The following FOXO3 variants were observed in gnomAD, a reference collection of about 807,000 sequenced individuals.
FOXO3 encodes forkhead box O3, also known as forkhead box protein O3.
Under a neutral mutation model 41.9 loss-of-function variants are expected in FOXO3, and 4 were observed. The observed-to-expected ratio is 0.10, with a 90% confidence interval of 0.05 to 0.22. The LOEUF (loss-of-function observed/expected upper bound fraction) is 0.22, where lower values mean the gene tolerates loss of function less well. Among genes scored for constraint, FOXO3 ranks in the 10% least tolerant of loss-of-function variants. The pLI is 1.00. For missense variants in FOXO3, 534 were observed against 906.8 expected, an observed-to-expected ratio of 0.59 and a Z score of 5.28; for synonymous variants, 318 against 389.3, an observed-to-expected ratio of 0.82 and a Z score of 2.16.
intron 1 of FOXO3, among the ~76,000 whole-genome samples, chr6:108,633,996 C>A (rs74838691): frequency 0.034 from 5,176 of 152,268 alleles, 119 homozygotes; most frequent in Middle Eastern, 0.095. Flanking sequence ...GGCTTCTTTA[C>A]ATGGAACTGG....
At chr6:108,663,184 G>C (rs955163786) in intron 1 of FOXO3, among the ~76,000 whole-genome samples, 4 of 152,128 alleles carry the variant, frequency 2.6e-5, no homozygotes, top group African/African-American at 9.7e-5. Flanking sequence ...ACCAGCCTGG[G>C]TAACGTGGAA....
At position 108,569,508 on chromosome 6, in the gene FOXO3, C is replaced by G. The variant is rs9384682; in HGVS notation, c.621+7679C>G. Among the ~76,000 whole-genome samples the G allele has an allele frequency of 2.6e-5, 4 of 152,328 alleles. No individual in the cohort carries two copies. In the East Asian group the frequency reaches 7.7e-4, roughly 29 times the overall value. On this transcript the variant is annotated intron_variant, in intron 1 of 2. Coordinates refer to ENST00000406360, the MANE Select transcript of FOXO3 (RefSeq NM_001455.4). ...AGGCTTTTCTATAATTCGCTTGTTCCACTTTTCACTCCTGAGTTTTTGAGG... is the reference window on the plus strand; with the variant it reads ...AGGCTTTTCTATAATTCGCTTGTTCGACTTTTCACTCCTGAGTTTTTGAGG...
intron 1 of FOXO3, among the ~76,000 whole-genome samples, chr6:108,579,974 G>A (rs546552221): frequency 3.9e-5 from 6 of 152,054 alleles, no homozygotes; most frequent in Non-Finnish European, 8.8e-5. Flanking sequence ...CAGAGTTGAA[G>A]TTTGAAAACT....
intron 1 of FOXO3, among the ~76,000 whole-genome samples, chr6:108,602,007 G>T (rs766154130): frequency 2.0e-5 from 3 of 152,126 alleles, no homozygotes; most frequent in Non-Finnish European, 2.9e-5. Flanking sequence ...TGGGATAAAT[G>T]CCCAATGACT....
At chr6:108,624,074 A>G (rs1409299120) in intron 1 of FOXO3, among the ~76,000 whole-genome samples, 1 of 152,222 alleles carries the variant, frequency 6.6e-6, no homozygotes, top group Non-Finnish European at 1.5e-5. Flanking sequence ...TGCAGGGACA[A>G]GGAAATTTCA....
intron 2 of FOXO3, among the ~76,000 whole-genome samples, chr6:108,673,985 T>C (rs1452915338): frequency 4.6e-5 from 7 of 152,192 alleles, no homozygotes; most frequent in Non-Finnish European, 1.0e-4. Context: ...AGGATATCTA[T>C]GGTGGGATGT....
At chr6:108,668,805 A>G (rs574523778) in intron 2 of FOXO3, among the ~76,000 whole-genome samples, 67 of 152,292 alleles carry the variant, frequency 4.4e-4, no homozygotes, top group African/African-American at 1.6e-3. Context: ...AGCCTCATCA[A>G]GTTTTAAAGG....
At chr6:108,633,796 TG>T (rs1232670517) in intron 1 of FOXO3, among the ~76,000 whole-genome samples, 9 of 152,072 alleles carry the variant, frequency 5.9e-5, no homozygotes, top group Non-Finnish European at 1.0e-4. Context: ...GAATGGCTTT[TG>T]TCTACCTTTG....
At chr6:108,618,509 C>T (rs528756531) in intron 1 of FOXO3, among the ~76,000 whole-genome samples, 9 of 152,200 alleles carry the variant, frequency 5.9e-5, no homozygotes, top group African/African-American at 2.2e-4. Flanking sequence ...TCAGTGGTAT[C>T]GTTTTGAAGC....
In FOXO3 at chr6:108,561,175, G is replaced by T. The variant is rs1260727065; in HGVS notation, c.-34G>T. On this transcript the variant is annotated 5_prime_UTR_variant, in exon 1 of 3. Transcript: ENST00000406360. ...CCGCCCCGGCGCGAGAGGAGAGCGCGAGAGCCCCAGCCGCGGGCGGGCGGG... is the reference window on the plus strand; with the variant it reads ...CCGCCCCGGCGCGAGAGGAGAGCGCTAGAGCCCCAGCCGCGGGCGGGCGGG... The T allele has an allele frequency of 2.6e-6, 4 of 1,520,404 alleles. No individual in the cohort carries two copies. Among genetic ancestry groups the T allele is most frequent in the African/African-American group, 1.4e-5 (1 of 70,004 alleles). The allele number at this position is 1,520,404 out of a possible 1,614,324, so 94.2% of individuals were successfully genotyped here.
intron 1 of FOXO3, among the ~76,000 whole-genome samples, chr6:108,605,049 T>G (rs1777155285): frequency 6.6e-6 from 1 of 152,214 alleles, no homozygotes; most frequent in South Asian, 2.1e-4. Flanking sequence ...CAAAATAAAC[T>G]TTTTAGTTGA....
chr6:108,593,168 A>C (rs1776776400), intron 1 of FOXO3, among the ~76,000 whole-genome samples: 1 of 152,092 alleles, frequency 6.6e-6, no homozygotes, highest in Admixed American at 6.5e-5. Context: ...AGAAGGGAGG[A>C]TTACACGTTT....
chr6:108,641,160 T>A (rs764237113), intron 1 of FOXO3, among the ~76,000 whole-genome samples: 1 of 152,158 alleles, frequency 6.6e-6, no homozygotes, highest in South Asian at 2.1e-4. Context: ...TCTGCCCACC[T>A]TGGCCTCCCA....
chr6:108,602,105 TTTTC>T (rs1777070243), intron 1 of FOXO3, among the ~76,000 whole-genome samples: 1 of 152,214 alleles, frequency 6.6e-6, no homozygotes, highest in Non-Finnish European at 1.5e-5. Context: ...TGTTAAGGGT[TTTTC>T]CCCCTAGTTT....
intron 1 of FOXO3, among the ~76,000 whole-genome samples, chr6:108,657,977 C>T (rs1224813086): frequency 6.6e-6 from 1 of 152,154 alleles, no homozygotes; most frequent in African/African-American, 2.4e-5. Flanking sequence ...GGATGTGAAA[C>T]CCCCCTCTGG....
At chr6:108,599,099 G>A (rs1353199952) in intron 1 of FOXO3, among the ~76,000 whole-genome samples, 1 of 152,150 alleles carries the variant, frequency 6.6e-6, no homozygotes. Flanking sequence ...GTAACTTTGT[G>A]AGAGCAAGCT....
chr6:108,642,265 T>A (rs1778281738), intron 1 of FOXO3, among the ~76,000 whole-genome samples: 2 of 152,008 alleles, frequency 1.3e-5, no homozygotes, highest in Non-Finnish European at 2.9e-5. Context: ...ATTTTCAAAA[T>A]TTTTTTGTAG....
At chr6:108,649,057 C>T (rs1470999843) in intron 1 of FOXO3, among the ~76,000 whole-genome samples, 1 of 151,112 alleles carries the variant, frequency 6.6e-6, no homozygotes. Context: ...CTCAGATTTG[C>T]CCCTACCAGA....
At chr6:108,600,033 A>G (rs781551985) in intron 1 of FOXO3, among the ~76,000 whole-genome samples, 4 of 152,080 alleles carry the variant, frequency 2.6e-5, no homozygotes, top group Non-Finnish European at 4.4e-5. Flanking sequence ...TATATGTATA[A>G]GGAGGGTGGG....
Sources: allele counts gnomAD v4.1 joint callset (sites outside exome capture counted in the v4.1 genomes callset), GRCh38; gene constraint gnomAD v4.1.1; transcripts MANE v1.5; gene names NCBI Gene and HGNC (gene_info 2026-07-23, HGNC 2026-07-21).